The following GNL2 variants were observed in gnomAD, a reference collection of about 807,000 sequenced individuals.
GNL2 encodes the protein G protein nucleolar 2.
In GNL2, 51 loss-of-function variants were observed where a neutral mutation model predicts 92.3. The ratio of observed to expected loss-of-function variants is 0.55; its 90% CI spans 0.44 to 0.70. The LOEUF is 0.70. Among genes scored for constraint, GNL2 ranks in the 30% least tolerant of loss-of-function variants. GNL2 has a pLI of 0.00. For synonymous variants in GNL2, 283 were observed against 300.6 expected (o/e 0.94, Z 0.61); for missense variants, 844 against 895.6 (o/e 0.94, Z 0.74).
At chr1:37,592,465 A>G (rs1344228614) in intron 3 of GNL2, among the ~76,000 whole-genome samples, 1 of 152,230 alleles carries the variant, frequency 6.6e-6, no homozygotes, top group African/African-American at 2.4e-5. Context: ...AATGCTAGTC[A>G]TTAAGGATGG....
chr1:37,579,304 C>A (rs1643726736), intron 8 of GNL2, among the ~76,000 whole-genome samples: 1 of 151,984 alleles, frequency 6.6e-6, no homozygotes, highest in South Asian at 2.1e-4. Context: ...TCCCAGCACT[C>A]TGGGAGGCCG....
chr1:37,581,538 T>C (rs1643767106), intron 8 of GNL2: 3 of 455,920 alleles, frequency 6.6e-6, no homozygotes. Context: ...GAACGTCAGG[T>C]GCCAGGGCTG....
At chr1:37,587,827 T>G (rs1643865985) in intron 4 of GNL2, among the ~76,000 whole-genome samples, 1 of 152,234 alleles carries the variant, frequency 6.6e-6, no homozygotes, top group Non-Finnish European at 1.5e-5. Flanking sequence ...CAAATGTAAT[T>G]AAGGCTACAG....
At chr1:37,589,397 CG>C (rs1557644918) in intron 4 of GNL2, among the ~76,000 whole-genome samples, 1 of 152,212 alleles carries the variant, frequency 6.6e-6, no homozygotes, top group East Asian at 1.9e-4. Context: ...CTCTGCCTCC[CG>C]GGTTCATATC....
Position 37,568,856 on chromosome 1 carries a change from T to A in GNL2, c.1863A>T (p.Ala621=), listed in dbSNP as rs142516717. 1.2e-6 allele frequency: 2 copies of A among 1,608,516 alleles called. No homozygotes were observed. The highest frequency in any genetic ancestry group is 1.7e-6 in the Non-Finnish European group (2 of 1,176,936). ...TGAGAAGATGAAAATATTACCTGAC[T>A]GCTGAAAACTTTTTGGCTTTGGCTT... The part of the protein sequence containing the change: ...LDKAKAKKFS[A]VRISKGLSEK... Residue 621 remains alanine (A), a synonymous_variant, in exon 13 of 16, where the codon GCA becomes GCT. Transcript: ENST00000373062.
rs1378794878 is a variant in GNL2, at chr1:37,575,820, G to A, written c.1039-121C>T. The A allele has an allele frequency of 9.6e-6, 6 of 621,944 alleles. No individual in the cohort carries two copies. The highest frequency in any genetic ancestry group is 6.9e-5 in the Admixed American group (2 of 28,828). The allele number at this position is 621,944 out of a possible 1,614,324, so 38.5% of individuals were successfully genotyped here. On this transcript the variant is annotated intron_variant, in intron 9 of 15. Coordinates refer to ENST00000373062, the MANE Select transcript of GNL2 (RefSeq NM_013285.3). This position sits in a 1 kb window ranked among gnomAD's most constrained non-coding sequence, Gnocchi z 4.1. ...AAGGGGTGAGTCAAAGAAAAGCAAC[G>A]CGCTAAGTAATTAAGCTACTAACTC...
chr1:37,566,896 CCTCT>C lies in GNL2; in HGVS notation c.2151_2154del (p.Glu718AspfsTer16), dbSNP rs762155074. 2.5e-6 allele frequency: 4 copies of C among 1,613,818 alleles called. No homozygotes were observed. The South Asian group carries it at 3.3e-5, about 13-fold the overall frequency. ...AATTTTTTGCGTTTGTGTTTCTGTC[CCTCT>C]GAGTCATTGGTCTTCTTTTTGTTCC... On this transcript the variant is annotated frameshift_variant, in exon 16 of 16. Transcript: ENST00000373062. LOFTEE classifies it high-confidence loss of function.
intron 12 of GNL2, among the ~76,000 whole-genome samples, chr1:37,571,108 C>T (rs1156859760): frequency 2.0e-5 from 3 of 152,036 alleles, no homozygotes; most frequent in Non-Finnish European, 2.9e-5. Flanking sequence ...CTGCTCTTAA[C>T]CAAAAAAGAA....
chr1:37,578,065 A>C (rs1643706122), intron 8 of GNL2, among the ~76,000 whole-genome samples: 1 of 152,166 alleles, frequency 6.6e-6, no homozygotes, highest in African/African-American at 2.4e-5. Flanking sequence ...AGATTGAAAG[A>C]TTCTCTTCTG....
chr1:37,593,524 G>T (rs1643900776), intron 2 of GNL2: 1 of 459,224 alleles, frequency 2.2e-6, no homozygotes, highest in Non-Finnish European at 3.9e-6. Context: ...AGGGCTGTGA[G>T]AAACAAGACC....
chr1:37,577,526 T>C lies in GNL2; in HGVS notation c.910-970A>G, dbSNP rs79298833. On this transcript the variant is annotated intron_variant, in intron 8 of 15. Coordinates refer to ENST00000373062, the MANE Select transcript of GNL2 (RefSeq NM_013285.3). ...AAACATACTGAACCAGAGAATGAGA[T>C]GGAGATGAGACAACAAAAACTAAAG... is the stretch of plus-strand genomic sequence containing the variant. Among the ~76,000 whole-genome samples the C allele has an allele frequency of 5.1e-3, 778 of 152,210 alleles. 10 individuals are homozygous for C. Among genetic ancestry groups the C allele is most frequent in the African/African-American group, 0.018 (732 of 41,540 alleles).
chr1:37,574,512 A>G, intron 11 of GNL2, 56 bp from the exon 12 acceptor site: 2 of 1,477,470 alleles, frequency 1.4e-6, no homozygotes, highest in Non-Finnish European at 1.9e-6. Flanking sequence ...ACCACCTACC[A>G]CTTTGGGGGT....
chr1:37,595,710 C>G (rs1202194369), intron 1 of GNL2, 49 bp downstream of exon 1: 2 of 1,521,550 alleles, frequency 1.3e-6, no homozygotes, highest in Non-Finnish European at 1.8e-6. Flanking sequence ...CGGAGCCCTT[C>G]CCTATACTTC....
intron 14 of GNL2, 133 bp downstream of exon 14, chr1:37,568,142 A>T (rs1643536418): frequency 3.1e-6 from 2 of 639,708 alleles, no homozygotes; most frequent in Non-Finnish European, 5.6e-6. Context: ...AACACTATGT[A>T]AATTTAAAGT....
chr1:37,583,920 C>T lies in GNL2; in HGVS notation c.583G>A (p.Glu195Lys), dbSNP rs1290894479. The T allele has an allele frequency of 1.3e-6, 2 of 1,573,238 alleles. No individual in the cohort carries two copies. The highest frequency in any genetic ancestry group is 2.2e-5 in the East Asian group (1 of 44,646). The change falls in exon 6 of 16, where the codon GAA becomes AAA. Residue 195 changes from glutamate to lysine, a missense_variant. Physicochemically the swap from Glu to Lys is moderately conservative, Grantham distance 56. Coordinates refer to ENST00000373062, the MANE Select transcript of GNL2 (RefSeq NM_013285.3). ...EDTGVRNEAQ[E>K]EIYKKGQSKR... is the part of the protein sequence containing the mutation. ...GACTGTCCCTTTTTATAGATCTCTT[C>T]TTGAGCTTCATTTCTAAATAAGAAA...
chr1:37,566,971 CTT>C lies in GNL2; in HGVS notation c.2078_2079del (p.Lys693SerfsTer7), dbSNP rs763541218. The C allele has an allele frequency of 6.2e-7, 1 of 1,614,012 alleles. No homozygotes were observed. Among genetic ancestry groups the C allele is most frequent in the Non-Finnish European group, 8.5e-7 (1 of 1,179,980 alleles). On this transcript the variant is annotated frameshift_variant, in exon 16 of 16. Coordinates refer to ENST00000373062, the MANE Select transcript of GNL2 (RefSeq NM_013285.3). LOFTEE classifies it high-confidence loss of function. The part of the protein sequence containing the change: ...RRAVRQQRPK[K>X]VGVRYYETHN... Reference sequence around the variant, plus strand: ...TGTGTTTCATAGTAGCGCACACCAACTTTTTTCGGCCGTTGCTGTCGTACTGC... The same window carrying C: ...TGTGTTTCATAGTAGCGCACACCAACTTTTCGGCCGTTGCTGTCGTACTGC...
intron 8 of GNL2, among the ~76,000 whole-genome samples, chr1:37,577,790 C>T (rs1643702233): frequency 6.6e-6 from 1 of 152,180 alleles, no homozygotes; most frequent in Non-Finnish European, 1.5e-5. Flanking sequence ...CCATCCCCTC[C>T]CTCATTCAGG....
intron 4 of GNL2, among the ~76,000 whole-genome samples, chr1:37,589,929 T>G (rs1643878320): frequency 6.6e-6 from 1 of 152,214 alleles, no homozygotes; most frequent in Non-Finnish European, 1.5e-5. Flanking sequence ...AATTCTACGC[T>G]GTCCCAAAGT....
intron 4 of GNL2, among the ~76,000 whole-genome samples, chr1:37,589,227 C>G (rs978464626): frequency 6.6e-6 from 1 of 152,230 alleles, no homozygotes; most frequent in Non-Finnish European, 1.5e-5. Flanking sequence ...CAAAACATAA[C>G]TGACAAAACC....
Sources: allele counts gnomAD v4.1 joint callset (sites outside exome capture counted in the v4.1 genomes callset), GRCh38; gene constraint gnomAD v4.1.1; non-coding constraint Gnocchi (gnomAD v3.1); transcripts MANE v1.5; gene names NCBI Gene and HGNC (gene_info 2026-07-23, HGNC 2026-07-21).